Variants in DEAF1 observed in about 807,000 individuals in gnomAD.
DEAF1 encodes DEAF1 transcription factor.
DEAF1 carries 53 observed loss-of-function variants against 58.9 expected under a neutral mutation model. The ratio of observed to expected loss-of-function variants is 0.90; its 90% CI spans 0.72 to 1.13. The LOEUF is 1.13. Ranked by LOEUF, DEAF1 falls within the 50% of genes most tolerant of loss-of-function variation. DEAF1 has a pLI of 0.00. For synonymous variants in DEAF1, 385 were observed against 340.4 expected, an observed-to-expected ratio of 1.13 and a Z score of -1.44; for missense variants, 685 against 791.4, an observed-to-expected ratio of 0.87 and a Z score of 1.61.
chr11:696,806 G>A (rs1213687722), upstream of DEAF1, among the ~76,000 whole-genome samples: 2 of 149,254 alleles, frequency 1.3e-5, no homozygotes, highest in African/African-American at 4.9e-5. Flanking sequence ...AAGGCCAGGC[G>A]CAGTAGCTCA....
chr11:706,238 C>T (rs1226991254), intron 1 of DEAF1: 3 of 151,998 alleles, frequency 2.0e-5, no homozygotes, highest in Admixed American at 2.0e-4. Context: ...AACAGACGGA[C>T]GCACCGGCGA....
chr11:705,556 G>T, intron 1 of DEAF1: 1 of 154,634 alleles, frequency 6.5e-6, no homozygotes, highest in Non-Finnish European at 1.4e-5. Context: ...TCAGTGCCCA[G>T]GCTGGGCAGA....
At position 688,348 on chromosome 11, in the gene DEAF1, G is replaced by A; in HGVS notation, c.500C>T (p.Ala167Val). Residue 167 changes from alanine to valine, a missense_variant, in exon 3 of 12, where the codon GCA becomes GTA. Coordinates refer to ENST00000382409, the MANE Select transcript of DEAF1 (RefSeq NM_021008.4). The surrounding 1 kb of genome is among the most constrained non-coding windows in gnomAD (Gnocchi z 4.3). ...IVETTGLKGP[A>V]APLTPGPQSP... ...CGCTGTACCTGGGGTGAGGGGAGCT[G>A]CCGGGCCTTTCAGCCCGGTGGTCTC... 1 of 1,613,680 alleles carries A rather than the reference G, an allele frequency of 6.2e-7. No homozygotes were observed. Among genetic ancestry groups the A allele is most frequent in the Non-Finnish European group, 8.5e-7 (1 of 1,180,008 alleles).
At chr11:699,620 C>T (rs532042863), upstream of DEAF1, 15 of 155,416 alleles carry the variant, frequency 9.7e-5, no homozygotes, top group Non-Finnish European at 1.7e-4. Context: ...TGGTTTTGCA[C>T]GCCTGTAATC....
upstream of DEAF1, among the ~76,000 whole-genome samples, chr11:697,079 A>C (rs970754483): frequency 6.9e-6 from 1 of 144,316 alleles, no homozygotes; most frequent in Non-Finnish European, 1.5e-5. Flanking sequence ...CAGCCTGGGC[A>C]ACAAGAGCGA....
intron 7 of DEAF1, chr11:680,059 G>A: frequency 1.8e-6 from 1 of 569,260 alleles, no homozygotes; most frequent in South Asian, 2.1e-5. Context: ...TTTAAACTGT[G>A]AACCATGGAA....
At chr11:663,780 C>T (rs1564932366) in intron 10 of DEAF1, among the ~76,000 whole-genome samples, 1 of 152,214 alleles carries the variant, frequency 6.6e-6, no homozygotes, top group Non-Finnish European at 1.5e-5. Flanking sequence ...CTTTCCTTCT[C>T]CATCTCCTCA....
At chr11:685,782 G>C (rs574850003) in intron 5 of DEAF1, among the ~76,000 whole-genome samples, 2 of 151,710 alleles carry the variant, frequency 1.3e-5, no homozygotes, top group African/African-American at 4.8e-5. Flanking sequence ...TTGGGAGGCC[G>C]AGGCGGGTGG....
intron 1 of DEAF1, among the ~76,000 whole-genome samples, chr11:701,396 G>T (rs1261853342): frequency 7.1e-6 from 1 of 140,274 alleles, no homozygotes; most frequent in African/African-American, 2.6e-5. Flanking sequence ...GTAGAGACGA[G>T]ACAAGGTTTC....
upstream of DEAF1, chr11:695,770 AGC>A (rs1239157789): frequency 8.1e-7 from 1 of 1,237,422 alleles, no homozygotes; most frequent in African/African-American, 1.6e-5. Flanking sequence ...AAGGAGCGCG[AGC>A]GCGCGGGCCG....
chr11:672,190 G>A (rs139885777), intron 10 of DEAF1, among the ~76,000 whole-genome samples: 15 of 152,316 alleles, frequency 9.8e-5, no homozygotes, highest in Non-Finnish European at 1.8e-4. Flanking sequence ...TGTTTGTTAT[G>A]TGCTTGTCTG....
At chr11:691,901 C>T (rs958266850) in intron 1 of DEAF1, among the ~76,000 whole-genome samples, 1 of 152,168 alleles carries the variant, frequency 6.6e-6, no homozygotes, top group Admixed American at 6.5e-5. Flanking sequence ...CAAACCACCA[C>T]GGGGCTTCTA....
chr11:676,632 G>C (rs1160143778), intron 9 of DEAF1, among the ~76,000 whole-genome samples: 1 of 151,960 alleles, frequency 6.6e-6, no homozygotes, highest in Non-Finnish European at 1.5e-5. Context: ...AGCCTCCCGA[G>C]TAGCTGGGAT....
In DEAF1 at chr11:644,881, G is replaced by A. The variant is rs1334581616; in HGVS notation, c.1594-227C>T. 6.6e-6 allele frequency among the ~76,000 whole-genome samples: 1 copy of A among 152,194 alleles called. No individual in the cohort carries two copies. The highest frequency in any genetic ancestry group is 2.4e-5 in the African/African-American group (1 of 41,442). On this transcript the variant is annotated intron_variant, in intron 11 of 11. Transcript: ENST00000382409. The surrounding 1 kb of genome is among the most constrained non-coding windows in gnomAD (Gnocchi z 4.3). ...GAATTGGATCAAAAGGCAAACAACA[G>A]GCAGGGCACGGTGGCTCACGCCTGT...
intron 5 of DEAF1, 119 bp from the exon 6 acceptor site, chr11:685,082 CTTTTTT>C (rs55670454): frequency 2.2e-4 from 78 of 358,082 alleles, no homozygotes; most frequent in African/African-American, 1.6e-3. Context: ...TATAAAAATT[CTTTTTT>C]TTTTTTTTTT....
chr11:653,963 T>G lies in DEAF1; in HGVS notation c.1592A>C (p.Lys531Thr). 1 of 1,613,788 alleles carries G rather than the reference T, an allele frequency of 6.2e-7. No individual in the cohort carries two copies. ...GAGCCTGGTGTAGGTGAGACCTACC[T>G]TGCGTTGGCAGAAGGTGGAGCAGTA... ...VNYCSTFCQR[K>T]DWKDHQHICG... Residue 531 changes from lysine to threonine, a missense_variant and splice_region_variant, in exon 11 of 12, where the codon AAG becomes ACG. Physicochemically the swap from Lys to Thr is moderately conservative, Grantham distance 78. This residue lies in a region of DEAF1 where 343 missense variants were observed against 379.8 expected (regional missense o/e 0.90). Transcript: ENST00000382409.
intron 1 of DEAF1, 121 bp from the exon 2 acceptor site, chr11:691,719 A>G (rs1438163322): frequency 1.2e-6 from 1 of 804,102 alleles, no homozygotes; most frequent in Admixed American, 2.0e-5. Context: ...TGTAACCAGG[A>G]AGATCTTAAC....
intron 10 of DEAF1, among the ~76,000 whole-genome samples, chr11:657,991 G>C (rs1228738798): frequency 6.6e-6 from 1 of 152,174 alleles, no homozygotes; most frequent in African/African-American, 2.4e-5. Context: ...ACCCAGCGAC[G>C]GTTTCTCAGC....
intron 11 of DEAF1, among the ~76,000 whole-genome samples, chr11:649,293 G>A (rs1256947717): frequency 1.3e-5 from 2 of 151,456 alleles, no homozygotes; most frequent in Non-Finnish European, 2.9e-5. Context: ...ATGGTGGCGG[G>A]TGCCTGTAAT....
Sources: gnomAD v4.1 joint callset for allele counts (sites outside exome capture counted in the v4.1 genomes callset) on GRCh38, gnomAD v4.1.1 for gene constraint, gnomAD v4.1.1 regional missense constraint, Gnocchi (gnomAD v3.1) non-coding constraint, MANE v1.5 for transcripts, NCBI Gene and HGNC (gene_info 2026-07-23, HGNC 2026-07-21) for gene names.